MAN2C1: variants seen among roughly 807,000 people sequenced by gnomAD.
MAN2C1 encodes alpha-mannosidase 2C1.
MAN2C1 carries 111 observed loss-of-function variants against 126.9 expected under a neutral mutation model. That is an observed-to-expected ratio of 0.87 (90% confidence interval 0.75 to 1.02). The LOEUF is 1.02. MAN2C1 is among the 50% of genes least tolerant of loss of function. The pLI is 0.00. For synonymous variants in MAN2C1, 567 were observed against 561.5 expected, an observed-to-expected ratio of 1.01 and a Z score of -0.14; for missense variants, 1,363 against 1,364.4, an observed-to-expected ratio of 1.00 and a Z score of 0.02.
In MAN2C1 at chr15:75,356,394, CA is replaced by C. The variant is rs1219836021; in HGVS notation, c.2792del (p.Leu931ArgfsTer44). 1 of 1,610,816 alleles carries C rather than the reference CA, an allele frequency of 6.2e-7. No homozygotes were observed. Among genetic ancestry groups the C allele is most frequent in the African/African-American group, 1.3e-5 (1 of 74,878 alleles). Reference protein sequence around the residue: ...IQAAYSLNFPLLALPAPSPAP... With the variant: ...IQAAYSLNFPXLALPAPSPAP... ...CTGGGCTGGGGGCTGGCAGAGCCAACAGGGGGAAGTTTAGGCTGTAGGCAGC... is the reference window on the plus strand; with the variant it reads ...CTGGGCTGGGGGCTGGCAGAGCCAACGGGGGAAGTTTAGGCTGTAGGCAGC... On this transcript the variant is annotated frameshift_variant, in exon 24 of 26. Coordinates refer to ENST00000267978, the MANE Select transcript of MAN2C1 (RefSeq NM_006715.4). LOFTEE classifies it high-confidence loss of function. The surrounding 1 kb of genome is among the most constrained non-coding windows in gnomAD (Gnocchi z 5.8).
Position 75,362,938 on chromosome 15 carries a change from C to T in MAN2C1, c.791-190G>A, listed in dbSNP as rs575983793. On this transcript the variant is annotated intron_variant, in intron 6 of 25. Transcript: ENST00000267978. This position sits in a 1 kb window ranked among gnomAD's most constrained non-coding sequence, Gnocchi z 4.5. ...GGGAGGAGGGGCTGGGGAAAGGAGG[C>T]GGCAGTGCTATGAGGCCAATTATAC... 1.0e-5 allele frequency: 6 copies of T among 592,816 alleles called. No homozygotes were observed. Among genetic ancestry groups the T allele is most frequent in the South Asian group, 5.8e-5 (3 of 51,394 alleles). 36.7% of individuals were successfully genotyped at this position (592,816 alleles called of 1,614,324 possible).
intron 2 of MAN2C1, 24 bp from the exon 3 acceptor site, chr15:75,367,658 G>C (rs1205230961): frequency 1.2e-6 from 2 of 1,613,574 alleles, no homozygotes; most frequent in Non-Finnish European, 1.7e-6. Context: ...GTTGTGATAG[G>C]CCTAGAGGTA....
At chr15:75,358,173 A>G in intron 21 of MAN2C1, 28 bp downstream of exon 21, 1 of 1,613,334 alleles carries the variant, frequency 6.2e-7, no homozygotes, top group Non-Finnish European at 8.5e-7. Flanking sequence ...GAGGAGTCCA[A>G]GGCCACTCCC....
chr15:75,364,217 T>C (rs988381854), intron 5 of MAN2C1, 29 bp from the exon 6 acceptor site: 3 of 1,577,274 alleles, frequency 1.9e-6, no homozygotes, highest in Admixed American at 2.0e-5. Context: ...CCTTAATCCC[T>C]TTTTCAAGCA....
rs1013042104 is a variant in MAN2C1 at position 75,360,811 on chromosome 15, C to T, written c.1461-123G>A. ...GCCACTCCAGAAAGCTCCCCGTTCA[C>T]AGATGGCCAGCCCTGGACGCCCTAG... On this transcript the variant is annotated intron_variant, in intron 12 of 25. Coordinates refer to ENST00000267978, the MANE Select transcript of MAN2C1 (RefSeq NM_006715.4). 1.3e-5 allele frequency: 17 copies of T among 1,358,102 alleles called. No individual in the cohort carries two copies. The African/African-American group carries it at 2.2e-4, about 17-fold the overall frequency. 84.1% of individuals were successfully genotyped at this position (1,358,102 alleles called of 1,614,324 possible).
At position 75,361,943 on chromosome 15, in the gene MAN2C1, C is replaced by T. The variant is rs1440269385; in HGVS notation, c.1013G>A (p.Gly338Glu). The change falls in exon 9 of 26, where the codon GGG (glycine) becomes GAG (glutamate). Residue 338 changes from glycine (G) to glutamate (E), a missense_variant. Coordinates refer to ENST00000267978, the MANE Select transcript of MAN2C1 (RefSeq NM_006715.4). This position sits in a 1 kb window ranked among gnomAD's most constrained non-coding sequence, Gnocchi z 5.0. ...CATGGCCTCTCCACTGGGCAGGTTC[C>T]CATCCTGGCAGTGAAGGAAGTGGGA... The part of the protein sequence containing the change: ...PVGGTWVEMD[G>E]NLPSGEAMVR... 1 of 1,613,434 alleles carries T rather than the reference C, an allele frequency of 6.2e-7. No homozygotes were observed.
In MAN2C1 at chr15:75,358,362, G is replaced by GT. The variant is rs1421140693; in HGVS notation, c.2404-19_2404-18insA. 2 of 1,614,016 alleles carry GT rather than the reference G, an allele frequency of 1.2e-6. No individual in the cohort carries two copies. The highest frequency in any genetic ancestry group is 2.2e-5 in the South Asian group (2 of 91,086). On this transcript the variant is annotated intron_variant, in intron 20 of 25. Coordinates refer to ENST00000267978, the MANE Select transcript of MAN2C1 (RefSeq NM_006715.4). ...CAGTGTACCTGGGAGTGGGAAGGAG[G>GT]GTGGGAGTCAGGGAAGGAAGAGACA...
At position 75,356,644 on chromosome 15, in the gene MAN2C1, CCCGTGT is replaced by C. The variant is rs2072313456; in HGVS notation, c.2693_2698del (p.Asp898_Thr899del). 10 of 1,573,944 alleles carry C rather than the reference CCCGTGT, an allele frequency of 6.4e-6. No individual in the cohort carries two copies. The highest frequency in any genetic ancestry group is 8.6e-6 in the Non-Finnish European group (10 of 1,160,094). Reference sequence around the variant, plus strand: ...CAGTGCATAGGTGAACTCGTGGCGCCCCGTGTCAGCAGTAGCGTCCGGGGCTTTAGG... The same window carrying C: ...CAGTGCATAGGTGAACTCGTGGCGCCCAGCAGTAGCGTCCGGGGCTTTAGG... On this transcript the variant is annotated inframe_deletion, in exon 23 of 26. Coordinates refer to ENST00000267978, the MANE Select transcript of MAN2C1 (RefSeq NM_006715.4). This position sits in a 1 kb window ranked among gnomAD's most constrained non-coding sequence, Gnocchi z 5.8.
intron 6 of MAN2C1, chr15:75,363,031 A>G (rs1671052663): frequency 2.3e-6 from 1 of 440,454 alleles, no homozygotes; most frequent in Non-Finnish European, 4.2e-6. Context: ...GACATCCCCT[A>G]GAGGATCCTA....
At chr15:75,365,912 C>G (rs1406854802) in intron 4 of MAN2C1, 4 of 438,956 alleles carry the variant, frequency 9.1e-6, no homozygotes, top group Non-Finnish European at 1.8e-5. Context: ...CGGTGAAACC[C>G]TTTCTCTACC....
Position 75,367,846 on chromosome 15 carries a change from C to A in MAN2C1, c.228-212G>T. On this transcript the variant is annotated intron_variant, in intron 2 of 25. Transcript: ENST00000267978. ...AAAGGTTCGTGATCCCTAGGGTGCC[C>A]TTCCTAAGGGATGTCCAGAGGCGGC... The A allele has an allele frequency of 5.8e-6, 5 of 859,358 alleles. No individual in the cohort carries two copies. In the Admixed American group the frequency reaches 8.8e-5, roughly 15 times the overall value. The allele number at this position is 859,358 out of a possible 1,614,324, so 53.2% of individuals were successfully genotyped here.
At chr15:75,358,103 A>C (rs192894516) in intron 21 of MAN2C1, 98 bp downstream of exon 21, 1,128 of 1,447,278 alleles carry the variant, frequency 7.8e-4, no homozygotes, top group Non-Finnish European at 9.9e-4. Context: ...AGGAAGCAGC[A>C]AATGTTGATT....
rs916231249 is a variant in MAN2C1 at position 75,362,150 on chromosome 15, G to C, written c.1008+193C>G. The C allele has an allele frequency of 9.1e-6, 6 of 661,660 alleles. No homozygotes were observed. Among genetic ancestry groups the C allele is most frequent in the Non-Finnish European group, 1.3e-5 (5 of 380,898 alleles). 41.0% of individuals were successfully genotyped at this position (661,660 alleles called of 1,614,324 possible). A position where few individuals can be genotyped will look rare whatever the true frequency, so the allele number is the denominator to read the frequency against. The stretch of plus-strand genomic sequence containing the variant: ...TGCCCAGGACTAGGCCATGCAACTT[G>C]TCACAGCGCTGGAGGCTCTCCTCCC... On this transcript the variant is annotated intron_variant, in intron 8 of 25. Transcript: ENST00000267978. This position sits in a 1 kb window ranked among gnomAD's most constrained non-coding sequence, Gnocchi z 4.5.
At position 75,356,651 on chromosome 15, in the gene MAN2C1, C is replaced by T; in HGVS notation, c.2692G>A (p.Asp898Asn). The T allele has an allele frequency of 6.3e-7, 1 of 1,578,466 alleles. No homozygotes were observed. Among genetic ancestry groups the T allele is most frequent in the Non-Finnish European group, 8.6e-7 (1 of 1,162,440 alleles). ...RAPKAPDATA[D>N]TGRHEFTYAL... ...TAGGTGAACTCGTGGCGCCCCGTGTCAGCAGTAGCGTCCGGGGCTTTAGGC... is the reference window on the plus strand; with the variant it reads ...TAGGTGAACTCGTGGCGCCCCGTGTTAGCAGTAGCGTCCGGGGCTTTAGGC... The change falls in exon 23 of 26, where the codon GAC (aspartate) becomes AAC (asparagine). Residue 898 changes from aspartate (D) to asparagine (N), a missense_variant. By Grantham distance (23) the Asp-to-Asn change is conservative (BLOSUM62 1). Coordinates refer to ENST00000267978, the MANE Select transcript of MAN2C1 (RefSeq NM_006715.4). The surrounding 1 kb of genome is among the most constrained non-coding windows in gnomAD (Gnocchi z 5.8).
Position 75,356,458 on chromosome 15 carries a change from C to T in MAN2C1, c.2738-9G>A, listed in dbSNP as rs1471349594. The T allele has an allele frequency of 8.2e-6, 13 of 1,589,772 alleles. No individual in the cohort carries two copies. Among genetic ancestry groups the T allele is most frequent in the South Asian group, 5.7e-5 (5 of 87,008 alleles). On this transcript the variant is annotated splice_polypyrimidine_tract_variant and intron_variant, in intron 23 of 25. Coordinates refer to ENST00000267978, the MANE Select transcript of MAN2C1 (RefSeq NM_006715.4). The surrounding 1 kb of genome is among the most constrained non-coding windows in gnomAD (Gnocchi z 5.8). Reference sequence around the variant, plus strand: ...AGCATCCTGGAAAGAGCCTGGGGTACGACCAGGAAACAATGCTGGTGGAGA... The same window carrying T: ...AGCATCCTGGAAAGAGCCTGGGGTATGACCAGGAAACAATGCTGGTGGAGA...
chr15:75,358,113 T>C (rs183173851), intron 21 of MAN2C1, 88 bp downstream of exon 21: 325 of 1,512,092 alleles, frequency 2.1e-4, no homozygotes, highest in Non-Finnish European at 2.8e-4. Flanking sequence ...AAATGTTGAT[T>C]ATCCTCTTCC....
intron 3 of MAN2C1, among the ~76,000 whole-genome samples, chr15:75,367,237 A>G (rs2072593600): frequency 6.6e-6 from 1 of 152,166 alleles, no homozygotes; most frequent in Admixed American, 6.5e-5. Context: ...AACAGTGGTT[A>G]TAGCTGGGGA....
intron 2 of MAN2C1, 109 bp downstream of exon 2, chr15:75,367,964 T>G (rs2072612550): frequency 7.3e-7 from 1 of 1,374,834 alleles, no homozygotes. Context: ...TGCTGCTCGA[T>G]CCCACGTAGT....
chr15:75,368,004 T>C, intron 2 of MAN2C1, 69 bp downstream of exon 2: 1 of 1,517,734 alleles, frequency 6.6e-7, no homozygotes, highest in Non-Finnish European at 8.8e-7. Context: ...ACAACGAAGG[T>C]GTGGCTGGGA....
Sources: gnomAD v4.1 joint callset for allele counts (sites outside exome capture counted in the v4.1 genomes callset) on GRCh38, gnomAD v4.1.1 for gene constraint, Gnocchi (gnomAD v3.1) non-coding constraint, MANE v1.5 for transcripts, NCBI Gene and HGNC (gene_info 2026-07-23, HGNC 2026-07-21) for gene names.